The following SNTG2 variants were observed in gnomAD, a reference collection of about 807,000 sequenced individuals.
The protein encoded by SNTG2 is syntrophin gamma 2, also known as gamma-2-syntrophin.
Under a neutral mutation model 70.9 loss-of-function variants are expected in SNTG2, and 74 were observed. The observed-to-expected ratio is 1.04, with a 90% CI of 0.86 to 1.27. SNTG2 has a LOEUF of 1.27. SNTG2 is among the 50% of genes most tolerant of loss of function. SNTG2 has a pLI of 0.00. For missense variants in SNTG2, 717 were observed against 690.7 expected (o/e 1.04, Z -0.43); for synonymous variants, 278 against 273.8 (o/e 1.02, Z -0.15).
chr2:977,508 C>T (rs1660947075), intron 1 of SNTG2, among the ~76,000 whole-genome samples: 1 of 152,178 alleles, frequency 6.6e-6, no homozygotes, highest in Non-Finnish European at 1.5e-5. Context: ...CCGCTGCCTC[C>T]ACCCTGTTTT....
chr2:998,353 A>T (rs553696530), intron 1 of SNTG2, among the ~76,000 whole-genome samples: 48 of 152,090 alleles, frequency 3.2e-4, no homozygotes, highest in Non-Finnish European at 4.1e-4. Flanking sequence ...TTCTAGAGAA[A>T]CTTGTTGAGT....
At chr2:1,238,155 C>A in intron 10 of SNTG2, 138 bp downstream of exon 10, 2 of 1,174,522 alleles carry the variant, frequency 1.7e-6, no homozygotes, top group Admixed American at 2.6e-5. Context: ...AAATCTATGT[C>A]TAAAAACATT....
At chr2:1,011,832 A>G (rs1659737043) in intron 1 of SNTG2, among the ~76,000 whole-genome samples, 1 of 152,220 alleles carries the variant, frequency 6.6e-6, no homozygotes, top group Non-Finnish European at 1.5e-5. Flanking sequence ...CATTTTAATT[A>G]TTAGTAGATG....
intron 16 of SNTG2, among the ~76,000 whole-genome samples, chr2:1,322,255 C>G (rs36087081): frequency 0.33 from 50,510 of 152,098 alleles, 9,173 homozygotes; most frequent in Middle Eastern, 0.49. Context: ...AGTCACAAAA[C>G]TTCACTTGCA....
At chr2:1,174,045 A>G (rs1671308312) in intron 8 of SNTG2, among the ~76,000 whole-genome samples, 1 of 152,196 alleles carries the variant, frequency 6.6e-6, no homozygotes, top group Non-Finnish European at 1.5e-5. Flanking sequence ...ATGTCTGACT[A>G]CTCCATTTCT....
intron 14 of SNTG2, among the ~76,000 whole-genome samples, chr2:1,298,685 T>C (rs183815465): frequency 2.0e-4 from 31 of 152,294 alleles, no homozygotes; most frequent in African/African-American, 7.0e-4. Flanking sequence ...AGAAATGTGA[T>C]GGTTGATACT....
intron 9 of SNTG2, among the ~76,000 whole-genome samples, chr2:1,221,218 G>C (rs1674741702): frequency 7.0e-6 from 1 of 143,576 alleles, no homozygotes; most frequent in Non-Finnish European, 1.5e-5. Context: ...GTGCTCCTCT[G>C]TCTCTGAGTC....
chr2:974,964 A>T (rs939180145), intron 1 of SNTG2, among the ~76,000 whole-genome samples: 2 of 152,210 alleles, frequency 1.3e-5, no homozygotes, highest in African/African-American at 2.4e-5. Context: ...TATTTTATTA[A>T]TTCTGCACAT....
At chr2:976,212 T>A (rs997903984) in intron 1 of SNTG2, among the ~76,000 whole-genome samples, 1 of 152,138 alleles carries the variant, frequency 6.6e-6, no homozygotes, top group African/African-American at 2.4e-5. Flanking sequence ...AATAGAAAAA[T>A]TATGGATCTT....
intron 14 of SNTG2, among the ~76,000 whole-genome samples, chr2:1,275,638 G>C (rs924762418): frequency 3.3e-5 from 5 of 151,228 alleles, no homozygotes; most frequent in African/African-American, 4.9e-5. Flanking sequence ...CATTCCACGA[G>C]ACATAACAGT....
intron 1 of SNTG2, among the ~76,000 whole-genome samples, chr2:961,885 G>T (rs867743334): frequency 6.6e-6 from 1 of 152,212 alleles, no homozygotes; most frequent in East Asian, 1.9e-4. Context: ...TGGGTTTATA[G>T]AAAACACACT....
At chr2:1,053,540 A>T (rs1220786121) in intron 1 of SNTG2, among the ~76,000 whole-genome samples, 2 of 128,774 alleles carry the variant, frequency 1.6e-5, no homozygotes, top group Non-Finnish European at 3.1e-5. Flanking sequence ...TTTCACGGAG[A>T]CGTAATTGTT....
At chr2:1,038,981 T>C (rs1449347805) in intron 1 of SNTG2, among the ~76,000 whole-genome samples, 5 of 152,212 alleles carry the variant, frequency 3.3e-5, no homozygotes, top group Non-Finnish European at 7.3e-5. Context: ...TTGAAAAACA[T>C]GCATCTTGGC....
intron 2 of SNTG2, 112 bp downstream of exon 2, chr2:1,083,767 T>G: frequency 8.3e-7 from 1 of 1,199,640 alleles, no homozygotes; most frequent in Non-Finnish European, 1.2e-6. Flanking sequence ...CTACTCGTTA[T>G]TTAAATATCC....
At chr2:1,203,463 G>A (rs1673406576) in intron 8 of SNTG2, among the ~76,000 whole-genome samples, 1 of 149,538 alleles carries the variant, frequency 6.7e-6, no homozygotes. Flanking sequence ...TTTGAGACCA[G>A]CCTGGCCAAC....
In SNTG2 at chr2:1,267,432, AG is replaced by A. The variant is rs1232598921; in HGVS notation, c.1147del (p.Asp383ThrfsTer99). The A allele has an allele frequency of 2.1e-5, 34 of 1,612,576 alleles. No homozygotes were observed. Among genetic ancestry groups the A allele is most frequent in the Non-Finnish European group, 2.9e-5 (34 of 1,179,330 alleles). On this transcript the variant is annotated frameshift_variant, in exon 14 of 17. Transcript: ENST00000308624. LOFTEE classifies it high-confidence loss of function. Reference sequence around the variant, plus strand: ...CTGGGTCTTCAAGATTTTGACTTTGAGGACCAGAGGCCCTATTGCTTCAGCA... The same window carrying A: ...CTGGGTCTTCAAGATTTTGACTTTGAGACCAGAGGCCCTATTGCTTCAGCA... ...LYLGLQDFDF[E>X]DQRPYCFSIV...
At chr2:1,132,269 ACACACATACATG>A (rs1668076815) in intron 4 of SNTG2, among the ~76,000 whole-genome samples, 2 of 152,074 alleles carry the variant, frequency 1.3e-5, no homozygotes, top group East Asian at 3.9e-4. Context: ...ACACATACAT[ACACACATACATG>A]CACAGGTTGA....
At chr2:1,314,952 C>G (rs1681203079) in intron 15 of SNTG2, among the ~76,000 whole-genome samples, 1 of 152,174 alleles carries the variant, frequency 6.6e-6, no homozygotes, top group African/African-American at 2.4e-5. Flanking sequence ...TACCTCCCAC[C>G]AGGTCCCTCC....
intron 16 of SNTG2, among the ~76,000 whole-genome samples, chr2:1,349,485 G>A (rs1432801008): frequency 6.6e-6 from 1 of 152,198 alleles, no homozygotes; most frequent in African/African-American, 2.4e-5. Context: ...TACAAAGGCA[G>A]TTTTGGTCCT....
Sources: allele counts gnomAD v4.1 joint callset (sites outside exome capture counted in the v4.1 genomes callset), GRCh38; gene constraint gnomAD v4.1.1; transcripts MANE v1.5; gene names NCBI Gene and HGNC (gene_info 2026-07-23, HGNC 2026-07-21).